ECT2L: variants seen among roughly 807,000 people sequenced by gnomAD.
ECT2L encodes epithelial cell-transforming sequence 2 oncogene-like.
In ECT2L, 126 loss-of-function variants were observed where a neutral mutation model predicts 122.8. The ratio of observed to expected loss-of-function variants is 1.03; its 90% confidence interval spans 0.89 to 1.19. The LOEUF (loss-of-function observed/expected upper bound fraction) is 1.19. Among genes scored for constraint, ECT2L ranks in the 50% most tolerant of loss-of-function variants. ECT2L has a pLI of 0.00. For synonymous variants in ECT2L, 385 were observed against 381.8 expected, an observed-to-expected ratio of 1.01 and a Z score of -0.10; for missense variants, 1,012 against 1,064.1, an observed-to-expected ratio of 0.95 and a Z score of 0.68.
At chr6:138,876,186 G>C (rs1053164481) in intron 13 of ECT2L, among the ~76,000 whole-genome samples, 2 of 152,042 alleles carry the variant, frequency 1.3e-5, no homozygotes, top group African/African-American at 2.4e-5. Flanking sequence ...CCTGGGAGGA[G>C]CCCCAGCCCA....
At chr6:138,887,039 G>A in intron 19 of ECT2L, 117 bp downstream of exon 19, 2 of 772,140 alleles carry the variant, frequency 2.6e-6, no homozygotes, top group Admixed American at 2.1e-5. Context: ...CCTGCTACGT[G>A]CCAGGCACTG....
chr6:138,868,204 TCTGTAA>T lies in ECT2L; in HGVS notation c.1577_1578+4del. Reference sequence around the variant, plus strand: ...ATTGATGGAGTTGTCAAAAGAAGATTCTGTAAGTGTTTCTTTGAAGAAAGTAAACTA... The same window carrying T: ...ATTGATGGAGTTGTCAAAAGAAGATTGTGTTTCTTTGAAGAAAGTAAACTA... On this transcript the variant is annotated splice_donor_variant and splice_donor_region_variant and coding_sequence_variant and intron_variant, in exon 13 of 22. Coordinates refer to ENST00000541398, the MANE Select transcript of ECT2L (RefSeq NM_001077706.3). LOFTEE classifies it high-confidence loss of function. 6.2e-7 allele frequency: 1 copy of T among 1,608,298 alleles called. No homozygotes were observed. Among genetic ancestry groups the T allele is most frequent in the Non-Finnish European group, 8.5e-7 (1 of 1,177,622 alleles).
chr6:138,868,482 T>C (rs1251389161), intron 13 of ECT2L, among the ~76,000 whole-genome samples: 1 of 122,258 alleles, frequency 8.2e-6, no homozygotes, highest in African/African-American at 4.5e-5. Context: ...CAGAAGTGAC[T>C]TTTTTTTTTT....
chr6:138,833,246 C>A (rs565482240), intron 4 of ECT2L, among the ~76,000 whole-genome samples: 1 of 152,314 alleles, frequency 6.6e-6, no homozygotes, highest in South Asian at 2.1e-4. Context: ...CCCCTTTCAG[C>A]TCAGTCTACT....
At chr6:138,805,936 G>T (rs1044650974) in intron 1 of ECT2L, among the ~76,000 whole-genome samples, 1 of 152,192 alleles carries the variant, frequency 6.6e-6, no homozygotes, top group Non-Finnish European at 1.5e-5. Context: ...ACAGGGATGG[G>T]AGCAATTGTT....
intron 12 of ECT2L, among the ~76,000 whole-genome samples, chr6:138,866,166 T>G (rs929680573): frequency 6.6e-6 from 1 of 150,448 alleles, no homozygotes; most frequent in East Asian, 1.9e-4. Context: ...TTTTTTTTTT[T>G]GAGACAGAGT....
At chr6:138,886,541 G>A (rs187308816) in intron 18 of ECT2L, among the ~76,000 whole-genome samples, 9 of 152,032 alleles carry the variant, frequency 5.9e-5, no homozygotes, top group African/African-American at 1.7e-4. Context: ...TTGAGTAGCT[G>A]GGACCACAGG....
chr6:138,891,143 A>G (rs960402299), intron 20 of ECT2L, among the ~76,000 whole-genome samples: 1 of 152,238 alleles, frequency 6.6e-6, no homozygotes, highest in African/African-American at 2.4e-5. Flanking sequence ...ACATTGAAAC[A>G]GAGATCTTAA....
intron 13 of ECT2L, among the ~76,000 whole-genome samples, chr6:138,873,142 G>A (rs1778313298): frequency 6.6e-6 from 1 of 152,134 alleles, no homozygotes; most frequent in South Asian, 2.1e-4. Flanking sequence ...GTTCCTCATT[G>A]CTGGAAATCA....
At chr6:138,824,760 C>T (rs9484209) in intron 4 of ECT2L, among the ~76,000 whole-genome samples, 1,723 of 152,108 alleles carry the variant, frequency 0.011, 30 homozygotes, top group African/African-American at 0.034. Context: ...AGATTCTCGC[C>T]GTACCCCAGA....
chr6:138,865,230 A>T (rs565831214), intron 12 of ECT2L, 52 bp downstream of exon 12: 42 of 1,511,388 alleles, frequency 2.8e-5, no homozygotes, highest in Middle Eastern at 3.5e-4. Flanking sequence ...TTGCTTTCAT[A>T]TCCCGAGTAA....
intron 13 of ECT2L, among the ~76,000 whole-genome samples, chr6:138,872,476 C>T (rs1176589705): frequency 6.6e-6 from 1 of 152,194 alleles, no homozygotes; most frequent in Non-Finnish European, 1.5e-5. Flanking sequence ...AGGGTGGGAA[C>T]GCCAGATGGG....
intron 19 of ECT2L, among the ~76,000 whole-genome samples, chr6:138,888,619 CTTT>C (rs1256543801): frequency 3.9e-5 from 6 of 152,080 alleles, no homozygotes; most frequent in Non-Finnish European, 8.8e-5. Context: ...CAGCCTACTT[CTTT>C]TTCTTAATAG....
chr6:138,845,241 GAT>G (rs1777179488), intron 7 of ECT2L, among the ~76,000 whole-genome samples: 1 of 136,320 alleles, frequency 7.3e-6, no homozygotes, highest in Admixed American at 7.8e-5. Context: ...TTTAACTTTG[GAT>G]TTTTTTTTTT....
intron 5 of ECT2L, among the ~76,000 whole-genome samples, chr6:138,841,762 C>A (rs190873847): frequency 6.6e-6 from 1 of 152,300 alleles, no homozygotes; most frequent in African/African-American, 2.4e-5. Context: ...CTTGGTTGAA[C>A]AAGTCCTTAT....
intron 1 of ECT2L, among the ~76,000 whole-genome samples, chr6:138,797,910 T>A (rs932191468): frequency 6.6e-6 from 1 of 152,238 alleles, no homozygotes; most frequent in African/African-American, 2.4e-5. Flanking sequence ...CTATATGTTG[T>A]TTATGATTAA....
At chr6:138,855,244 A>T (rs1662513186) in intron 10 of ECT2L, among the ~76,000 whole-genome samples, 1 of 152,262 alleles carries the variant, frequency 6.6e-6, no homozygotes, top group African/African-American at 2.4e-5. Context: ...GTGGTGGCTC[A>T]CACCTGTAAT....
At chr6:138,831,783 A>C (rs1044755864) in intron 4 of ECT2L, among the ~76,000 whole-genome samples, 2 of 152,242 alleles carry the variant, frequency 1.3e-5, no homozygotes, top group Admixed American at 6.5e-5. Context: ...ATGTTGATTT[A>C]ATAAGTGAAT....
rs200469646 is a variant in ECT2L, at chr6:138,803,406, TA to T, written c.-244+7216del. 3.3e-5 allele frequency among the ~76,000 whole-genome samples: 5 copies of T among 152,326 alleles called. No individual in the cohort carries two copies. In the East Asian group the frequency reaches 7.7e-4, roughly 23 times the overall value. ...GCAGAGACAGCGACTATTCTTTCTG[TA>T]ATGTTCAGCTCATTATATAACTCAG... On this transcript the variant is annotated intron_variant, in intron 1 of 21. Coordinates refer to ENST00000541398, the MANE Select transcript of ECT2L (RefSeq NM_001077706.3).
Sources: allele counts gnomAD v4.1 joint callset (sites outside exome capture counted in the v4.1 genomes callset), GRCh38; gene constraint gnomAD v4.1.1; transcripts MANE v1.5; gene names NCBI Gene and HGNC (gene_info 2026-07-23, HGNC 2026-07-21).